Variants in NUP160 observed in about 807,000 individuals in gnomAD.
NUP160 encodes the protein nucleoporin 160.
Under a neutral mutation model 196.9 loss-of-function variants are expected in NUP160, and 94 were observed. That is an observed-to-expected ratio of 0.48 (90% CI 0.40 to 0.57). The LOEUF (loss-of-function observed/expected upper bound fraction) is 0.57, where lower values mean the gene tolerates loss of function less well. NUP160 is among the 20% of genes least tolerant of loss of function. The pLI is 0.00. For missense variants in NUP160, 1,638 were observed against 1,748.3 expected (o/e 0.94, Z 1.13); for synonymous variants, 605 against 619.7 (o/e 0.98, Z 0.35).
exon 11 of NUP160, chr11:47,818,089 T>G (rs757303001): frequency 6.2e-7 from 1 of 1,612,004 alleles, no homozygotes; most frequent in African/African-American, 1.3e-5. Flanking sequence ...CATTTGTGAA[T>G]TGTCCTGGTG....
At chr11:47,792,056 G>T in intron 28 of NUP160, 66 bp from the exon 29 acceptor site, 2 of 1,092,996 alleles carry the variant, frequency 1.8e-6, no homozygotes, top group Non-Finnish European at 2.7e-6. Context: ...CATTAACGGT[G>T]ATTCATAGCT....
At chr11:47,836,726 T>C (rs1420421755) in intron 6 of NUP160, among the ~76,000 whole-genome samples, 161 bp downstream of exon 6, 1 of 152,222 alleles carries the variant, frequency 6.6e-6, no homozygotes, top group Non-Finnish European at 1.5e-5. Context: ...GAGGAAAATA[T>C]ATGCAAAATA....
chr11:47,815,485 C>T (rs140364188), exon 13 of NUP160: 45 of 1,587,792 alleles, frequency 2.8e-5, no homozygotes, highest in South Asian at 7.0e-5. Context: ...TTACTTTTTT[C>T]AGCAGGCACA....
exon 33 of NUP160, chr11:47,784,930 T>G: frequency 6.3e-7 from 1 of 1,592,176 alleles, no homozygotes; most frequent in South Asian, 1.1e-5. Context: ...ACCTTGTAAC[T>G]GTTTATAAGC....
At chr11:47,835,994 C>T (rs749379325) in intron 6 of NUP160, among the ~76,000 whole-genome samples, 185 bp from the exon 7 acceptor site, 12 of 152,174 alleles carry the variant, frequency 7.9e-5, no homozygotes, top group Non-Finnish European at 1.6e-4. Context: ...CGTCTGTAAT[C>T]CCAGCACTCT....
intron 34 of NUP160, among the ~76,000 whole-genome samples, chr11:47,782,505 G>A (rs1202459756): frequency 1.3e-5 from 2 of 150,490 alleles, no homozygotes; most frequent in Non-Finnish European, 3.0e-5. Flanking sequence ...ACCATGCTCA[G>A]GACACTTAAC....
intron 7 of NUP160, among the ~76,000 whole-genome samples, chr11:47,824,858 T>C (rs971252726): frequency 6.6e-6 from 1 of 151,676 alleles, no homozygotes; most frequent in Non-Finnish European, 1.5e-5. Context: ...TTTTTTGAGA[T>C]GGAGTCTCGC....
chr11:47,795,025 TG>T (rs983168070), intron 27 of NUP160, among the ~76,000 whole-genome samples: 6 of 151,906 alleles, frequency 3.9e-5, no homozygotes, highest in African/African-American at 1.5e-4. Context: ...TGCTTGAACC[TG>T]GAAGTGGAGG....
chr11:47,798,112 T>G, intron 25 of NUP160, 38 bp from the exon 26 acceptor site: 1 of 1,535,198 alleles, frequency 6.5e-7, no homozygotes, highest in Non-Finnish European at 9.0e-7. Flanking sequence ...CAAACTATCT[T>G]AGTAGGTTAA....
chr11:47,787,549 C>T (rs1290784173), intron 31 of NUP160, among the ~76,000 whole-genome samples: 1 of 150,356 alleles, frequency 6.7e-6, no homozygotes, highest in Non-Finnish European at 1.5e-5. Context: ...TGTGCCTAAG[C>T]CTCCTGAGAG....
exon 7 of NUP160, chr11:47,835,692 G>A (rs758985590): frequency 1.2e-6 from 2 of 1,604,310 alleles, no homozygotes; most frequent in Non-Finnish European, 1.7e-6. Flanking sequence ...CCCAGGTAGA[G>A]TCCCATGGTG....
At chr11:47,831,799 C>T (rs981477389) in intron 7 of NUP160, among the ~76,000 whole-genome samples, 31 of 132,480 alleles carry the variant, frequency 2.3e-4, no homozygotes, top group African/African-American at 8.2e-4. Flanking sequence ...GCTGAGATCG[C>T]GCCACTGTAT....
intron 27 of NUP160, among the ~76,000 whole-genome samples, chr11:47,797,335 T>C (rs1156251290): frequency 6.6e-6 from 1 of 151,930 alleles, no homozygotes; most frequent in Non-Finnish European, 1.5e-5. Context: ...CCCCACCCTG[T>C]TCAAGCAATT....
intron 7 of NUP160, among the ~76,000 whole-genome samples, chr11:47,826,220 C>T (rs1397664728): frequency 6.6e-6 from 1 of 152,188 alleles, no homozygotes; most frequent in East Asian, 1.9e-4. Context: ...AATGATCCTC[C>T]TGCATCAGCC....
intron 2 of NUP160, among the ~76,000 whole-genome samples, chr11:47,842,094 G>A (rs957388422): frequency 1.3e-5 from 2 of 151,884 alleles, no homozygotes. Flanking sequence ...CCACATATGT[G>A]ACCTTGCCTT....
chr11:47,799,047 T>C (rs181676528), intron 23 of NUP160, among the ~76,000 whole-genome samples: 1 of 151,556 alleles, frequency 6.6e-6, no homozygotes, highest in Admixed American at 6.6e-5. Context: ...ATAAACACCA[T>C]AGTTTTATAA....
intron 32 of NUP160, 143 bp downstream of exon 32, chr11:47,786,310 T>A (rs2097664489): frequency 7.9e-6 from 4 of 508,448 alleles, no homozygotes; most frequent in Non-Finnish European, 1.4e-5. Context: ...TCACCTTAAT[T>A]ATAAACTTTC....
chr11:47,798,010 C>G lies in NUP160; in HGVS notation c.3151G>C (p.Val1051Leu), dbSNP rs898735293. ...TGCAGATTCACATAGGGAAACTCTA[C>G]AAGATCCTGTAGCTGTGAGCGTTCA... The change falls in exon 26 of 36, where the codon GTA (valine) becomes CTA (leucine). Residue 1051 changes from valine (V) to leucine (L), a missense_variant. By Grantham distance (32) the Val-to-Leu change is conservative (BLOSUM62 1). Around this residue, in one of 3 missense-constraint regions of NUP160, gnomAD observed 1,345 missense variants for 1,470.2 expected, o/e 0.91. Transcript: ENST00000378460. 2 of 1,581,234 alleles carry G rather than the reference C, an allele frequency of 1.3e-6. No individual in the cohort carries two copies. Among genetic ancestry groups the G allele is most frequent in the African/African-American group, 2.9e-5 (2 of 69,462 alleles).
At chr11:47,813,279 G>T in intron 14 of NUP160, 37 bp downstream of exon 14, 1 of 1,399,008 alleles carries the variant, frequency 7.1e-7, no homozygotes, top group South Asian at 1.2e-5. Flanking sequence ...GTTTATATAG[G>T]AAGGGGATTA....
Sources: allele counts gnomAD v4.1 joint callset (sites outside exome capture counted in the v4.1 genomes callset), GRCh38; gene constraint gnomAD v4.1.1; regional missense constraint gnomAD v4.1.1; transcripts MANE v1.5; gene names NCBI Gene and HGNC (gene_info 2026-07-23, HGNC 2026-07-21).